GMPR: variants seen among roughly 807,000 people sequenced by gnomAD.
GMPR encodes guanosine monophosphate reductase.
In GMPR, 31 loss-of-function variants were observed where a neutral mutation model predicts 38.4. That is an observed-to-expected ratio of 0.81 (90% CI 0.61 to 1.09). The LOEUF (loss-of-function observed/expected upper bound fraction) is 1.09. Ranked by LOEUF, GMPR falls within the 50% of genes least tolerant of loss-of-function variation. The pLI, the probability that GMPR is intolerant of heterozygous loss-of-function variation, is 0.00. For synonymous variants in GMPR, 162 were observed against 173.3 expected, an observed-to-expected ratio of 0.93 and a Z score of 0.51; for missense variants, 468 against 453.7, an observed-to-expected ratio of 1.03 and a Z score of -0.29.
chr6:16,245,314 C>T (rs1028899570), intron 1 of GMPR, among the ~76,000 whole-genome samples: 1 of 152,132 alleles, frequency 6.6e-6, no homozygotes, highest in African/African-American at 2.4e-5. Flanking sequence ...TCACCCAGGA[C>T]GCCTTCTGGA....
intron 8 of GMPR, 90 bp from the exon 9 acceptor site, chr6:16,294,916 C>T: frequency 9.6e-7 from 1 of 1,038,354 alleles, no homozygotes; most frequent in Non-Finnish European, 1.4e-6. Flanking sequence ...TTGGGGGCTA[C>T]AGAAAGTGCT....
chr6:16,294,887 G>A (rs907880828), intron 8 of GMPR, 119 bp from the exon 9 acceptor site: 2 of 728,018 alleles, frequency 2.7e-6, no homozygotes, highest in African/African-American at 1.8e-5. Context: ...AGAGGGTGGG[G>A]TCTGGTTTTC....
chr6:16,270,022 C>G (rs1343211106), intron 4 of GMPR, among the ~76,000 whole-genome samples: 1 of 152,206 alleles, frequency 6.6e-6, no homozygotes, highest in African/African-American at 2.4e-5. Flanking sequence ...CTACCTAATT[C>G]ACCTCCCCAA....
intron 8 of GMPR, among the ~76,000 whole-genome samples, chr6:16,291,908 CAA>C (rs758154367): frequency 3.1e-4 from 24 of 78,434 alleles, no homozygotes; most frequent in Admixed American, 4.0e-4. Context: ...GATACCCTGC[CAA>C]AAAAAAAAAA....
chr6:16,276,466 C>T (rs533510584), intron 5 of GMPR, among the ~76,000 whole-genome samples: 40 of 152,246 alleles, frequency 2.6e-4, no homozygotes, highest in African/African-American at 9.6e-4. Context: ...CCACCACACC[C>T]GGCCCTCTCA....
chr6:16,274,423 C>T lies in GMPR; in HGVS notation c.474C>T (p.Asn158=), dbSNP rs114417367. 1.5e-3 allele frequency: 2,362 copies of T among 1,595,210 alleles called. 30 individuals are homozygous for T. The African/African-American group carries it at 0.026, about 18-fold the overall frequency. The change falls in exon 5 of 9, where the codon AAC becomes AAT. Residue 158 remains asparagine, a synonymous_variant. Transcript: ENST00000259727. ...KFPEHTIMAG[N]VVTGEMVEEL... is the part of the protein sequence containing the mutation. ...TATTCTTTCTGTCTCAGGCAGGGAA[C>T]GTGGTGACAGGAGAAATGGTAGAAG...
chr6:16,276,072 G>GA (rs892374379), intron 5 of GMPR, among the ~76,000 whole-genome samples: 30 of 146,812 alleles, frequency 2.0e-4, no homozygotes, highest in East Asian at 7.9e-4. Flanking sequence ...CCTGTCTCAA[G>GA]AAAAAAAAAA....
chr6:16,289,214 A>AT (rs903343441), intron 7 of GMPR, among the ~76,000 whole-genome samples: 42 of 152,284 alleles, frequency 2.8e-4, no homozygotes, highest in African/African-American at 9.9e-4. Flanking sequence ...CCAGAAGGAA[A>AT]AAGCCTCAGC....
chr6:16,288,313 C>T (rs1759736758), intron 7 of GMPR, among the ~76,000 whole-genome samples: 1 of 152,210 alleles, frequency 6.6e-6, no homozygotes, highest in Non-Finnish European at 1.5e-5. Context: ...GCTGGAGTTC[C>T]GGGTGGGTGT....
intron 4 of GMPR, among the ~76,000 whole-genome samples, chr6:16,268,411 T>C (rs1011144872): frequency 6.6e-6 from 1 of 152,144 alleles, no homozygotes; most frequent in African/African-American, 2.4e-5. Flanking sequence ...GCCTCCCAGG[T>C]TCAAGTGATT....
chr6:16,285,924 G>A, intron 7 of GMPR, 89 bp downstream of exon 7: 1 of 1,092,416 alleles, frequency 9.2e-7, no homozygotes, highest in Non-Finnish European at 1.4e-6. Context: ...ATGAGGAGGG[G>A]GACCTGGTGG....
At chr6:16,256,932 C>G (rs1255327788) in intron 4 of GMPR, among the ~76,000 whole-genome samples, 4 of 152,074 alleles carry the variant, frequency 2.6e-5, no homozygotes, top group African/African-American at 9.7e-5. Context: ...AATATTTAAT[C>G]TTTGACCCTG....
intron 4 of GMPR, among the ~76,000 whole-genome samples, chr6:16,256,215 CAAA>C (rs558494585): frequency 8.9e-6 from 1 of 112,310 alleles, no homozygotes. Flanking sequence ...GACTCCGTCT[CAAA>C]AAAAAAAAAA....
intron 4 of GMPR, among the ~76,000 whole-genome samples, chr6:16,261,390 G>C (rs923707845): frequency 6.8e-6 from 1 of 146,444 alleles, no homozygotes; most frequent in African/African-American, 2.4e-5. Flanking sequence ...AATTTGCTGA[G>C]CCTGACGGGT....
Position 16,278,825 on chromosome 6 carries a change from C to T in GMPR, c.589C>T (p.Pro197Ser). Residue 197 changes from proline (P) to serine (S), a missense_variant, in exon 6 of 9, where the codon CCC becomes TCC. Transcript: ENST00000259727. ...CCGCACCAAGACGGGAGTGGGGTACCCCCAGCTGAGTGCCGTCATTGAGTG... is the reference window on the plus strand; with the variant it reads ...CCGCACCAAGACGGGAGTGGGGTACTCCCAGCTGAGTGCCGTCATTGAGTG... ...TTRTKTGVGY[P>S]QLSAVIECAD... 6.2e-7 allele frequency: 1 copy of T among 1,614,100 alleles called. No homozygotes were observed. The highest frequency in any genetic ancestry group is 8.5e-7 in the Non-Finnish European group (1 of 1,179,938).
At chr6:16,292,565 A>G (rs1759860345) in intron 8 of GMPR, among the ~76,000 whole-genome samples, 1 of 152,098 alleles carries the variant, frequency 6.6e-6, no homozygotes, top group African/African-American at 2.4e-5. Context: ...ATGGTTGGGT[A>G]AGGAGGAGGC....
At chr6:16,244,402 A>G (rs1758717004) in intron 1 of GMPR, among the ~76,000 whole-genome samples, 1 of 151,214 alleles carries the variant, frequency 6.6e-6, no homozygotes, top group Non-Finnish European at 1.5e-5. Context: ...TTGTGTAGAG[A>G]TGGGGTTTCA....
intron 8 of GMPR, among the ~76,000 whole-genome samples, chr6:16,293,724 G>C (rs1581670121): frequency 6.6e-6 from 1 of 152,184 alleles, no homozygotes; most frequent in South Asian, 2.1e-4. Flanking sequence ...CTTGAACCCA[G>C]GAGGCAGAGG....
At chr6:16,271,600 C>T (rs527803822) in intron 4 of GMPR, among the ~76,000 whole-genome samples, 5 of 152,278 alleles carry the variant, frequency 3.3e-5, no homozygotes, top group South Asian at 2.1e-4. Flanking sequence ...CTGGAGCTCG[C>T]GCCCTGCTTC....
Sources: gnomAD v4.1 joint callset for allele counts (sites outside exome capture counted in the v4.1 genomes callset) on GRCh38, gnomAD v4.1.1 for gene constraint, MANE v1.5 for transcripts, NCBI Gene and HGNC (gene_info 2026-07-23, HGNC 2026-07-21) for gene names.